Variants in ARID5B observed in about 807,000 individuals in gnomAD.
The protein encoded by ARID5B is AT-rich interaction domain 5B, also known as AT-rich interactive domain-containing protein 5B.
Under a neutral mutation model 97.2 loss-of-function variants are expected in ARID5B, and 13 were observed. The observed-to-expected ratio is 0.13, with a 90% CI of 0.09 to 0.21. The LOEUF is 0.21. Ranked by LOEUF, ARID5B falls within the 10% of genes least tolerant of loss-of-function variation. The pLI is 1.00. For missense variants in ARID5B, 1,210 were observed against 1,465.3 expected, an observed-to-expected ratio of 0.83 and a Z score of 2.84; for synonymous variants, 556 against 570.3, an observed-to-expected ratio of 0.97 and a Z score of 0.36.
At chr10:62,048,003 A>G (rs1839733763) in intron 4 of ARID5B, among the ~76,000 whole-genome samples, 1 of 152,118 alleles carries the variant, frequency 6.6e-6, no homozygotes, top group South Asian at 2.1e-4. Flanking sequence ...ACTAGATTAT[A>G]GCCTTACTGA....
chr10:61,982,565 G>A (rs1838791136), intron 3 of ARID5B, among the ~76,000 whole-genome samples: 2 of 152,216 alleles, frequency 1.3e-5, no homozygotes, highest in African/African-American at 2.4e-5. Context: ...CTAAAGAAAA[G>A]TAGTCTCTTC....
At chr10:61,955,156 A>G (rs941527400) in intron 3 of ARID5B, among the ~76,000 whole-genome samples, 2 of 152,220 alleles carry the variant, frequency 1.3e-5, no homozygotes, top group Admixed American at 1.3e-4. Flanking sequence ...AACACAACAA[A>G]GACTGACTTC....
chr10:62,034,818 A>T (rs939409220), intron 4 of ARID5B, among the ~76,000 whole-genome samples: 1 of 152,246 alleles, frequency 6.6e-6, no homozygotes, highest in Non-Finnish European at 1.5e-5. Context: ...ATTTGCTCAG[A>T]CTTTCATCGG....
intron 4 of ARID5B, among the ~76,000 whole-genome samples, chr10:62,041,575 A>C (rs1404056826): frequency 6.6e-6 from 1 of 152,192 alleles, no homozygotes; most frequent in Non-Finnish European, 1.5e-5. Flanking sequence ...ACTGTTTCTT[A>C]TGTGTATGTC....
intron 3 of ARID5B, among the ~76,000 whole-genome samples, chr10:61,970,536 A>T (rs903012697): frequency 7.2e-5 from 11 of 152,194 alleles, no homozygotes; most frequent in African/African-American, 2.4e-4. Flanking sequence ...ATTTACATTG[A>T]AGGAAAAATG....
intron 3 of ARID5B, among the ~76,000 whole-genome samples, chr10:61,965,659 C>CA (rs1838535054): frequency 6.6e-6 from 1 of 151,832 alleles, no homozygotes; most frequent in Non-Finnish European, 1.5e-5. Context: ...TTTTTGAGTT[C>CA]CCAAGGGTTC....
intron 4 of ARID5B, among the ~76,000 whole-genome samples, chr10:62,050,409 G>T (rs1016012201): frequency 6.6e-6 from 1 of 152,162 alleles, no homozygotes; most frequent in African/African-American, 2.4e-5. Flanking sequence ...ATGGTAATTT[G>T]AGAGAATGCC....
At chr10:61,968,711 G>A (rs1357318453) in intron 3 of ARID5B, among the ~76,000 whole-genome samples, 2 of 152,156 alleles carry the variant, frequency 1.3e-5, no homozygotes, top group Non-Finnish European at 2.9e-5. Flanking sequence ...TATGTGGATA[G>A]GTTTGCTGTT....
intron 4 of ARID5B, among the ~76,000 whole-genome samples, chr10:62,034,276 A>C (rs111531125): frequency 6.6e-6 from 1 of 152,184 alleles, no homozygotes; most frequent in African/African-American, 2.4e-5. Context: ...AAGGTTTTGG[A>C]AGCACATGTA....
In ARID5B at chr10:62,092,116, A is replaced by G. The variant is rs1840386713; in HGVS notation, c.2653A>G (p.Thr885Ala). 6.2e-7 allele frequency: 1 copy of G among 1,607,412 alleles called. No individual in the cohort carries two copies. The highest frequency in any genetic ancestry group is 8.5e-7 in the Non-Finnish European group (1 of 1,175,928). Residue 885 changes from threonine (T) to alanine (A), a missense_variant, in exon 10 of 10, where the codon ACG (threonine) becomes GCG (alanine). Transcript: ENST00000279873. ...AGAAAAGCTCCATGTAAATTATCTC[A>G]CGTCCCTGCACCTGCAAGACAAAAA... ...HQEKLHVNYL[T>A]SLHLQDKKSA... is the part of the protein sequence containing the mutation.
At chr10:61,907,243 T>C (rs77777936) in intron 2 of ARID5B, among the ~76,000 whole-genome samples, 1 of 151,010 alleles carries the variant, frequency 6.6e-6, no homozygotes, top group Non-Finnish European at 1.5e-5. Flanking sequence ...ATTTTTTTTT[T>C]CAAAAGATTG....
At chr10:62,070,940 A>G (rs1840055090) in intron 8 of ARID5B, among the ~76,000 whole-genome samples, 1 of 151,904 alleles carries the variant, frequency 6.6e-6, no homozygotes. Flanking sequence ...ACAAAGTAGC[A>G]CTGATATCTC....
chr10:62,041,508 T>A (rs1296705201), intron 4 of ARID5B, among the ~76,000 whole-genome samples: 3 of 152,218 alleles, frequency 2.0e-5, no homozygotes, highest in Non-Finnish European at 4.4e-5. Context: ...AAGCCCCCTT[T>A]CTGTACAAAT....
intron 2 of ARID5B, among the ~76,000 whole-genome samples, chr10:61,918,324 A>T (rs907835829): frequency 2.0e-5 from 3 of 152,164 alleles, no homozygotes; most frequent in Non-Finnish European, 4.4e-5. Context: ...CTGGCATCTC[A>T]GTTTCTTATC....
At chr10:62,039,845 AG>A (rs1346963336) in intron 4 of ARID5B, among the ~76,000 whole-genome samples, 1 of 152,240 alleles carries the variant, frequency 6.6e-6, no homozygotes, top group Non-Finnish European at 1.5e-5. Flanking sequence ...GACCTGAAGC[AG>A]GTTGGCAAAG....
At chr10:62,004,625 A>T (rs1012361580) in intron 4 of ARID5B, among the ~76,000 whole-genome samples, 1 of 152,200 alleles carries the variant, frequency 6.6e-6, no homozygotes, top group Non-Finnish European at 1.5e-5. Context: ...TTTTTAAATG[A>T]TTCCTCTTTT....
rs914539124 is a variant in ARID5B at position 62,092,108 on chromosome 10, A to G, written c.2645A>G (p.Asn882Ser). The change falls in exon 10 of 10, where the codon AAT becomes AGT. Residue 882 changes from asparagine (N) to serine (S), a missense_variant. Around this residue, in one of 8 missense-constraint regions of ARID5B, gnomAD observed 800 missense variants for 839.1 expected, o/e 0.95. Coordinates refer to ENST00000279873, the MANE Select transcript of ARID5B (RefSeq NM_032199.3). ...SHRHQEKLHVNYLTSLHLQDK... is the reference protein window; with the variant it reads ...SHRHQEKLHVSYLTSLHLQDK... The stretch of plus-strand genomic sequence containing the variant: ...AGACACCAAGAAAAGCTCCATGTAA[A>G]TTATCTCACGTCCCTGCACCTGCAA... 8 of 1,612,526 alleles carry G rather than the reference A, an allele frequency of 5.0e-6. No homozygotes were observed. The highest frequency in any genetic ancestry group is 6.8e-6 in the Non-Finnish European group (8 of 1,179,542).
chr10:62,092,654 G>T lies in ARID5B; in HGVS notation c.3191G>T (p.Gly1064Val), dbSNP rs199685713. 1.2e-6 allele frequency: 2 copies of T among 1,613,972 alleles called. No individual in the cohort carries two copies. The highest frequency in any genetic ancestry group is 1.7e-6 in the Non-Finnish European group (2 of 1,180,006). ...SKAAHGGHSG[G>V]GSEGHKLPLS... ...GCAGCGCACGGTGGGCATTCCGGGG[G>T]CGGATCAGAAGGCCACAAGCTTCCC... Residue 1064 changes from glycine to valine, a missense_variant, in exon 10 of 10, where the codon GGC (glycine) becomes GTC (valine). This residue lies in a region of ARID5B where 800 missense variants were observed against 839.1 expected (regional missense o/e 0.95). Transcript: ENST00000279873.
chr10:61,954,994 G>A (rs960749655), intron 3 of ARID5B, among the ~76,000 whole-genome samples: 1 of 147,344 alleles, frequency 6.8e-6, no homozygotes, highest in South Asian at 2.1e-4. Context: ...CAACAAGAGC[G>A]AAACTCCATC....
Sources: allele counts gnomAD v4.1 joint callset (sites outside exome capture counted in the v4.1 genomes callset), GRCh38; gene constraint gnomAD v4.1.1; regional missense constraint gnomAD v4.1.1; transcripts MANE v1.5; gene names NCBI Gene and HGNC (gene_info 2026-07-23, HGNC 2026-07-21).